Variants in PACS2 observed in about 807,000 individuals in gnomAD.
PACS2 encodes the protein PACS1-like protein.
A neutral mutation model predicts 113.0 loss-of-function variants in PACS2; 36 were observed. The observed-to-expected ratio is 0.32, with a 90% CI of 0.24 to 0.42. The LOEUF (loss-of-function observed/expected upper bound fraction) is 0.42, where lower values mean the gene tolerates loss of function less well. Among genes scored for constraint, PACS2 ranks in the 10% least tolerant of loss-of-function variants. The pLI is 1.00. For missense variants in PACS2, 1,015 were observed against 1,239.5 expected (o/e 0.82, Z 2.72); for synonymous variants, 589 against 536.1 (o/e 1.10, Z -1.36).
At position 105,384,794 on chromosome 14, in the gene PACS2, C is replaced by T. The variant is rs1054813718; in HGVS notation, c.1892-85C>T. 1.0e-4 allele frequency: 87 copies of T among 871,122 alleles called. 1 individual carries two copies. The highest frequency in any genetic ancestry group is 2.9e-4 in the East Asian group (11 of 37,476). 54.0% of individuals were successfully genotyped at this position (871,122 alleles called of 1,614,324 possible). On this transcript the variant is annotated intron_variant, in intron 17 of 24. Transcript: ENST00000447393. ...CGCTTCGGGGTACGGGAGGCCTGGG[C>T]GGGGCACCGGGGAGGCCCAGCTTAG...
At chr14:105,341,895 G>A (rs1036662080) in intron 1 of PACS2, among the ~76,000 whole-genome samples, 1 of 152,194 alleles carries the variant, frequency 6.6e-6, no homozygotes, top group Non-Finnish European at 1.5e-5. Flanking sequence ...TTCCTTCTAA[G>A]TGTGCGGAGA....
intron 12 of PACS2, 114 bp from the exon 13 acceptor site, chr14:105,381,800 T>C: frequency 4.1e-6 from 4 of 978,696 alleles, no homozygotes; most frequent in Non-Finnish European, 6.0e-6. Flanking sequence ...AGCCCTGTGC[T>C]CACCCTTCCC....
rs1555414940 is a variant in PACS2, at chr14:105,391,707, G to A, written c.2196G>A (p.Lys732=). ...STPPSASPAA[K]EASPTPPSSP... is the part of the protein sequence containing the mutation. ...CGCCGTCCGCATCTCCTGCGGCCAA[G>A]GAGGCCTCACCCACCCCGCCCTCCT... Residue 732 remains lysine (K), a synonymous_variant, in exon 22 of 25, where the codon AAG becomes AAA. Transcript: ENST00000447393. The A allele has an allele frequency of 1.2e-6, 2 of 1,604,152 alleles. No individual in the cohort carries two copies. The highest frequency in any genetic ancestry group is 1.1e-5 in the South Asian group (1 of 89,258).
chr14:105,392,915 T>G, intron 23 of PACS2, 70 bp downstream of exon 23: 1 of 1,263,786 alleles, frequency 7.9e-7, no homozygotes, highest in South Asian at 1.2e-5. Context: ...CGGCTCGCAG[T>G]CAACAGGGAT....
chr14:105,372,020 T>G (rs1555409503), intron 8 of PACS2: 1 of 152,258 alleles, frequency 6.6e-6, no homozygotes, highest in Non-Finnish European at 1.5e-5. Context: ...GAGGCCCCAC[T>G]TCCTAATTCT....
At chr14:105,364,386 C>CGGTGGGCGGCGGCCCGGGGATGT (rs1566943313) in intron 4 of PACS2, among the ~76,000 whole-genome samples, 12 of 98,418 alleles carry the variant, frequency 1.2e-4, no homozygotes, top group African/African-American at 4.4e-4. Flanking sequence ...CCCGGGTGCG[C>CGGTGGGCGGCGGCCCGGGGATGT]GGTGGGCGGT....
At position 105,348,091 on chromosome 14, in the gene PACS2, G is replaced by A. The variant is rs981923812; in HGVS notation, c.120-402G>A. Reference sequence around the variant, plus strand: ...CAGGATTTGGGGCGGCTGGGCCTGGGGCTGGATAGGGCCGCGGGAGAGGGG... The same window carrying A: ...CAGGATTTGGGGCGGCTGGGCCTGGAGCTGGATAGGGCCGCGGGAGAGGGG... On this transcript the variant is annotated intron_variant, in intron 1 of 24. Coordinates refer to ENST00000447393, the MANE Select transcript of PACS2 (RefSeq NM_001100913.3). The surrounding 1 kb of genome is among the most constrained non-coding windows in gnomAD (Gnocchi z 6.4). 3.3e-5 allele frequency among the ~76,000 whole-genome samples: 5 copies of A among 152,186 alleles called. No individual in the cohort carries two copies. Among genetic ancestry groups the A allele is most frequent in the African/African-American group, 4.8e-5 (2 of 41,454 alleles).
chr14:105,307,173 G>C (rs1156470347), intron 1 of PACS2, among the ~76,000 whole-genome samples: 1 of 151,876 alleles, frequency 6.6e-6, no homozygotes, highest in Non-Finnish European at 1.5e-5. Context: ...GCCTCCCAAA[G>C]TACTGAGATC....
chr14:105,381,510 C>T (rs1456235938), intron 12 of PACS2, among the ~76,000 whole-genome samples: 2 of 152,266 alleles, frequency 1.3e-5, no homozygotes, highest in Admixed American at 6.5e-5. Context: ...TGTGGTGGCA[C>T]GCAGGTGCCT....
intron 1 of PACS2, among the ~76,000 whole-genome samples, chr14:105,304,894 A>G (rs753274260): frequency 1.3e-5 from 2 of 152,228 alleles, no homozygotes; most frequent in African/African-American, 4.8e-5. Flanking sequence ...ACCTGCCCCC[A>G]TGATTCAATT....
Position 105,383,385 on chromosome 14 carries a change from C to A in PACS2, c.1652C>A (p.Thr551Asn), listed in dbSNP as rs782691584. The A allele has an allele frequency of 6.2e-7, 1 of 1,608,790 alleles. No individual in the cohort carries two copies. Among genetic ancestry groups the A allele is most frequent in the South Asian group, 1.1e-5 (1 of 91,088 alleles). ...TGCAACTGCAATTCCCAGCCCCCGA[C>A]CCCCGTGAAGATCGCCGTGGCGGGA... ...RYCNCNSQPP[T>N]PVKIAVAGAQ... The change falls in exon 16 of 25, where the codon ACC becomes AAC. Residue 551 changes from threonine to asparagine, a missense_variant. Around this residue, in one of 3 missense-constraint regions of PACS2, gnomAD observed 859 missense variants for 1,056.8 expected, o/e 0.81. Coordinates refer to ENST00000447393, the MANE Select transcript of PACS2 (RefSeq NM_001100913.3).
chr14:105,383,116 A>G (rs1317761866), intron 15 of PACS2: 3 of 625,004 alleles, frequency 4.8e-6, no homozygotes, highest in Non-Finnish European at 8.6e-6. Flanking sequence ...GTGTCCTGCC[A>G]CACTGGAGTG....
At position 105,391,779 on chromosome 14, in the gene PACS2, C is replaced by A; in HGVS notation, c.2255+13C>A. 6.3e-7 allele frequency: 1 copy of A among 1,580,250 alleles called. No homozygotes were observed. The highest frequency in any genetic ancestry group is 1.8e-5 in the Admixed American group (1 of 54,476). On this transcript the variant is annotated intron_variant, in intron 22 of 24. Transcript: ENST00000447393. ...TGTCCTCCCCCAGGTAAAGGTGCCT[C>A]ACGGCTCAGCACGTTTCACTTACCC...
intron 1 of PACS2, among the ~76,000 whole-genome samples, chr14:105,305,229 T>C (rs114011668): frequency 2.0e-3 from 307 of 152,064 alleles, no homozygotes; most frequent in African/African-American, 7.1e-3. Context: ...GGCAAAACCC[T>C]GACTCTACAA....
At chr14:105,380,556 C>T (rs782656092) in intron 11 of PACS2, among the ~76,000 whole-genome samples, 3 of 151,122 alleles carry the variant, frequency 2.0e-5, no homozygotes, top group Non-Finnish European at 4.4e-5. Flanking sequence ...TCTGGGTTCC[C>T]CAGACTCACC....
rs1339993248 is a variant in PACS2, at chr14:105,355,670, A to T, written c.423+493A>T. 2.0e-5 allele frequency among the ~76,000 whole-genome samples: 3 copies of T among 152,212 alleles called. No individual in the cohort carries two copies. Among genetic ancestry groups the T allele is most frequent in the Non-Finnish European group, 2.9e-5 (2 of 68,026 alleles). ...AGGGCGGGGGCAGCACCCAGAGGTC[A>T]GAGGGGTGGCTGGAGTTCCCTGGAG... On this transcript the variant is annotated intron_variant, in intron 4 of 24. Coordinates refer to ENST00000447393, the MANE Select transcript of PACS2 (RefSeq NM_001100913.3). The surrounding 1 kb of genome is among the most constrained non-coding windows in gnomAD (Gnocchi z 4.1).
At position 105,341,516 on chromosome 14, in the gene PACS2, G is replaced by A. The variant is rs587622522; in HGVS notation, c.120-6977G>A. 2.0e-5 allele frequency among the ~76,000 whole-genome samples: 3 copies of A among 152,260 alleles called. No homozygotes were observed. In the South Asian group the frequency reaches 6.2e-4, roughly 32 times the overall value. ...GGTGTCCTGAACACAGTGGCAGGCT[G>A]GTGATGAATCGTCTTCTGTAGGTTT... On this transcript the variant is annotated intron_variant, in intron 1 of 24. Transcript: ENST00000447393.
Position 105,355,528 on chromosome 14 carries a change from C to T in PACS2, c.423+351C>T, listed in dbSNP as rs936398541. ...CGCTGCTGTCCCCACACCACGGGTG[C>T]GTCCTGTGATGGGTTCGTGTCTGCA... On this transcript the variant is annotated intron_variant, in intron 4 of 24. Coordinates refer to ENST00000447393, the MANE Select transcript of PACS2 (RefSeq NM_001100913.3). This position sits in a 1 kb window ranked among gnomAD's most constrained non-coding sequence, Gnocchi z 4.1. Among the ~76,000 whole-genome samples, 18 of 152,238 alleles carry T rather than the reference C, an allele frequency of 1.2e-4. No individual in the cohort carries two copies. Among genetic ancestry groups the T allele is most frequent in the Non-Finnish European group, 5.9e-5 (4 of 68,048 alleles).
intron 1 of PACS2, among the ~76,000 whole-genome samples, chr14:105,303,442 A>AAGACCAT (rs2058093832): frequency 6.6e-6 from 1 of 151,802 alleles, no homozygotes; most frequent in African/African-American, 2.4e-5. Context: ...ACAGGGTTTC[A>AAGACCAT]CTGTGTTAGC....
Sources: allele counts gnomAD v4.1 joint callset (sites outside exome capture counted in the v4.1 genomes callset), GRCh38; gene constraint gnomAD v4.1.1; regional missense constraint gnomAD v4.1.1; non-coding constraint Gnocchi (gnomAD v3.1); transcripts MANE v1.5; gene names NCBI Gene and HGNC (gene_info 2026-07-23, HGNC 2026-07-21).